SLC37A2: variants seen among roughly 807,000 people sequenced by gnomAD.
The protein encoded by SLC37A2 is glucose-6-phosphate exchanger SLC37A2.
SLC37A2 carries 59 observed loss-of-function variants against 70.7 expected under a neutral mutation model. The observed-to-expected ratio is 0.83, with a 90% CI of 0.68 to 1.04. The LOEUF (loss-of-function observed/expected upper bound fraction) is 1.04. Ranked by LOEUF, SLC37A2 falls within the 50% of genes least tolerant of loss-of-function variation. The pLI is 0.00. For missense variants in SLC37A2, 580 were observed against 658.1 expected (o/e 0.88, Z 1.30); for synonymous variants, 257 against 262.1 (o/e 0.98, Z 0.19).
At chr11:125,087,379 G>A (rs12418284) in intron 17 of SLC37A2, 15,727 of 152,410 alleles carry the variant, frequency 0.1, 1,300 homozygotes, top group East Asian at 0.48. Context: ...ATTTATCAGA[G>A]CAGACAGAGC....
chr11:125,075,047 T>G (rs1349489083), intron 1 of SLC37A2, among the ~76,000 whole-genome samples: 3 of 152,038 alleles, frequency 2.0e-5, no homozygotes, highest in Non-Finnish European at 4.4e-5. Context: ...TAGCGCAATG[T>G]GTAACTGATG....
chr11:125,072,476 C>G (rs1277990223), intron 1 of SLC37A2, among the ~76,000 whole-genome samples: 1 of 152,194 alleles, frequency 6.6e-6, no homozygotes, highest in African/African-American at 2.4e-5. Flanking sequence ...TCCCCTCCAT[C>G]CTTTGGTCCT....
intron 4 of SLC37A2, among the ~76,000 whole-genome samples, chr11:125,078,159 A>G (rs774605935): frequency 5.9e-5 from 9 of 152,242 alleles, no homozygotes; most frequent in Non-Finnish European, 8.8e-5. Flanking sequence ...CCTGGGCAGA[A>G]GGAATAGCAC....
intron 8 of SLC37A2, 53 bp from the exon 9 acceptor site, chr11:125,081,701 G>C: frequency 6.6e-7 from 1 of 1,519,552 alleles, no homozygotes. Flanking sequence ...CCTTCAGCTG[G>C]TGGGAGGCAG....
intron 1 of SLC37A2, among the ~76,000 whole-genome samples, chr11:125,071,652 C>T (rs1358380346): frequency 6.6e-6 from 1 of 152,230 alleles, no homozygotes; most frequent in African/African-American, 2.4e-5. Context: ...GCCCACGTCC[C>T]AGCTGGAGGA....
chr11:125,081,562 T>TGACCTCACC (rs1301502715), intron 8 of SLC37A2, 104 bp downstream of exon 8: 1 of 1,438,886 alleles, frequency 6.9e-7, no homozygotes, highest in Non-Finnish European at 9.4e-7. Flanking sequence ...TGGCCCTCAC[T>TGACCTCACC]GACCTCACCG....
Position 125,088,158 on chromosome 11 carries a change from G to A in SLC37A2, c.*24G>A. 1 of 1,551,726 alleles carries A rather than the reference G, an allele frequency of 6.4e-7. No homozygotes were observed. ...GAGGCCCCAATTGGAACAGCAGCAT[G>A]GAGGGTCCCAGTTGGGTCCCCAACG... On this transcript the variant is annotated 3_prime_UTR_variant, in exon 18 of 18. Coordinates refer to ENST00000403796, the MANE Select transcript of SLC37A2 (RefSeq NM_001145290.2).
At chr11:125,076,412 C>G (rs1949088119) in intron 1 of SLC37A2, among the ~76,000 whole-genome samples, 1 of 152,190 alleles carries the variant, frequency 6.6e-6, no homozygotes, top group African/African-American at 2.4e-5. Flanking sequence ...CCCACCTCTG[C>G]CACACACATG....
intron 17 of SLC37A2, chr11:125,087,766 G>A (rs1949236735): frequency 5.0e-6 from 1 of 198,584 alleles, no homozygotes; most frequent in African/African-American, 2.4e-5. Context: ...CCGAGTAGCT[G>A]GGACCACAGG....
chr11:125,085,188 T>C (rs750239357), intron 14 of SLC37A2, 49 bp downstream of exon 14: 1 of 1,555,716 alleles, frequency 6.4e-7, no homozygotes, highest in Admixed American at 1.7e-5. Context: ...GGGGGCTTGG[T>C]CAGGGCCACC....
chr11:125,085,194 C>T, intron 14 of SLC37A2, 55 bp downstream of exon 14: 1 of 1,524,018 alleles, frequency 6.6e-7, no homozygotes. Context: ...TTGGTCAGGG[C>T]CACCATCTCC....
intron 1 of SLC37A2, 144 bp from the exon 2 acceptor site, chr11:125,076,613 C>T: frequency 1.4e-6 from 1 of 725,794 alleles, no homozygotes; most frequent in Non-Finnish European, 2.3e-6. Context: ...TCCCAGCCTC[C>T]CCTTGGCCTC....
chr11:125,067,396 G>C (rs1948992767), intron 1 of SLC37A2, among the ~76,000 whole-genome samples: 1 of 152,178 alleles, frequency 6.6e-6, no homozygotes, highest in African/African-American at 2.4e-5. Flanking sequence ...AACATGTCAT[G>C]TACAGAGAGG....
At position 125,083,747 on chromosome 11, in the gene SLC37A2, C is replaced by T. The variant is rs1949174171; in HGVS notation, c.977-68C>T. 7.1e-7 allele frequency: 1 copy of T among 1,403,126 alleles called. No homozygotes were observed. The highest frequency in any genetic ancestry group is 1.0e-6 in the Non-Finnish European group (1 of 987,924). The allele number at this position is 1,403,126 out of a possible 1,614,324, so 86.9% of individuals were successfully genotyped here. ...GTCTGGATCACGCTCTGCAGGGCTT[C>T]TAGCTGTGACACTCCAGGATGTTTG... On this transcript the variant is annotated intron_variant, in intron 10 of 17. Coordinates refer to ENST00000403796, the MANE Select transcript of SLC37A2 (RefSeq NM_001145290.2). This position sits in a 1 kb window ranked among gnomAD's most constrained non-coding sequence, Gnocchi z 4.6.
chr11:125,081,879 C>A lies in SLC37A2; in HGVS notation c.858C>A (p.Ile286=). Reference sequence around the variant, plus strand: ...GGCCATGCGAAGAGCCTGCTGCCATCAGCTTCTTTGGGGCGCTCCGGATCC... The same window carrying A: ...GGCCATGCGAAGAGCCTGCTGCCATAAGCTTCTTTGGGGCGCTCCGGATCC... ...SKGPCEEPAA[I]SFFGALRIPG... is the part of the protein sequence containing the mutation. Residue 286 remains isoleucine, a synonymous_variant, in exon 9 of 18, where the codon ATC becomes ATA. Transcript: ENST00000403796. 1 of 1,612,958 alleles carries A rather than the reference C, an allele frequency of 6.2e-7. No homozygotes were observed.
At chr11:125,082,399 G>A in intron 10 of SLC37A2, 65 bp downstream of exon 10, 1 of 1,435,730 alleles carries the variant, frequency 7.0e-7, no homozygotes, top group Non-Finnish European at 9.8e-7. Flanking sequence ...TGGTGGGAGA[G>A]GAAGCCCGTC....
rs778251965 is a variant in SLC37A2 at position 125,083,819 on chromosome 11, C to T, written c.981C>T (p.His327=). 1 of 1,614,130 alleles carries T rather than the reference C, an allele frequency of 6.2e-7. No individual in the cohort carries two copies. Among genetic ancestry groups the T allele is most frequent in the Admixed American group, 1.7e-5 (1 of 60,030 alleles). Residue 327 remains histidine, a synonymous_variant, in exon 11 of 18, where the codon CAC becomes CAT. Coordinates refer to ENST00000403796, the MANE Select transcript of SLC37A2 (RefSeq NM_001145290.2). This position sits in a 1 kb window ranked among gnomAD's most constrained non-coding sequence, Gnocchi z 4.6. The part of the protein sequence containing the change: ...WLPLYIANVA[H]FSAKEAGDLS... Reference sequence around the variant, plus strand: ...ACATACCTGTATTTTCCACAGCTCACTTTAGTGCCAAGGAGGCTGGGGACC... The same window carrying T: ...ACATACCTGTATTTTCCACAGCTCATTTTAGTGCCAAGGAGGCTGGGGACC...
chr11:125,085,503 G>A (rs3802807), intron 15 of SLC37A2, 30 bp downstream of exon 15: 90,712 of 1,613,330 alleles, frequency 0.056, 2,915 homozygotes, highest in East Asian at 0.11. Context: ...TTGTGGGCCG[G>A]CCCCTAGGCA....
intron 1 of SLC37A2, among the ~76,000 whole-genome samples, chr11:125,069,802 C>T (rs1035417586): frequency 4.6e-5 from 7 of 152,240 alleles, no homozygotes; most frequent in Admixed American, 2.0e-4. Context: ...TCAGAGATGG[C>T]GGAGTTTCTG....
Sources: allele counts gnomAD v4.1 joint callset (sites outside exome capture counted in the v4.1 genomes callset), GRCh38; gene constraint gnomAD v4.1.1; non-coding constraint Gnocchi (gnomAD v3.1); transcripts MANE v1.5; gene names NCBI Gene and HGNC (gene_info 2026-07-23, HGNC 2026-07-21).